RETREG1: variants seen among roughly 807,000 people sequenced by gnomAD.
The protein encoded by RETREG1 is family with sequence similarity 134 member B.
In RETREG1, 44 loss-of-function variants were observed where a neutral mutation model predicts 54.8. The ratio of observed to expected loss-of-function variants is 0.80; its 90% CI spans 0.63 to 1.03. The LOEUF is 1.03. Ranked by LOEUF, RETREG1 falls within the 50% of genes least tolerant of loss-of-function variation. The pLI, the probability that RETREG1 is intolerant of heterozygous loss-of-function variation, is 0.00. For synonymous variants in RETREG1, 217 were observed against 238.5 expected (o/e 0.91, Z 0.83); for missense variants, 554 against 605.1 (o/e 0.92, Z 0.89).
chr5:16,507,059 T>A (rs1739988752), intron 3 of RETREG1, among the ~76,000 whole-genome samples: 1 of 152,128 alleles, frequency 6.6e-6, no homozygotes, highest in Non-Finnish European at 1.5e-5. Context: ...TAGAAAAAAA[T>A]TCTTATGTTT....
Position 16,561,263 on chromosome 5 carries a change from C to T in RETREG1, c.458+4500G>A, listed in dbSNP as rs1741846742. Among the ~76,000 whole-genome samples, 1 of 152,030 alleles carries T rather than the reference C, an allele frequency of 6.6e-6. No homozygotes were observed. The highest frequency in any genetic ancestry group is 6.6e-5 in the Admixed American group (1 of 15,266). On this transcript the variant is annotated intron_variant, in intron 3 of 8. Transcript: ENST00000306320. The surrounding 1 kb of genome is among the most constrained non-coding windows in gnomAD (Gnocchi z 4.2). ...CTGTAATCCCAGCACTTTGGGAGGC[C>T]GAGTCGGGCGGATCATGAGGTCAGG...
chr5:16,596,475 C>T (rs1039146303), intron 1 of RETREG1, among the ~76,000 whole-genome samples: 7 of 152,204 alleles, frequency 4.6e-5, no homozygotes, highest in African/African-American at 9.7e-5. Flanking sequence ...TTAAGCATTA[C>T]GCTCGAAGCC....
intron 1 of RETREG1, among the ~76,000 whole-genome samples, chr5:16,615,178 A>T (rs937497034): frequency 6.6e-6 from 1 of 152,150 alleles, no homozygotes; most frequent in South Asian, 2.1e-4. Flanking sequence ...CGGACGGATC[A>T]CGAGGTCAGG....
At chr5:16,534,183 C>G (rs1740992098) in intron 3 of RETREG1, among the ~76,000 whole-genome samples, 1 of 152,104 alleles carries the variant, frequency 6.6e-6, no homozygotes, top group African/African-American at 2.4e-5. Flanking sequence ...GGCATGGTGG[C>G]TCACACCTGT....
chr5:16,590,579 G>A (rs17650706), intron 1 of RETREG1, among the ~76,000 whole-genome samples: 6,067 of 152,224 alleles, frequency 0.04, 137 homozygotes, highest in Non-Finnish European at 0.053. Flanking sequence ...AGTGAAACTC[G>A]GGGCGTGTGT....
At chr5:16,489,850 T>C (rs1739177615) in intron 3 of RETREG1, among the ~76,000 whole-genome samples, 1 of 152,200 alleles carries the variant, frequency 6.6e-6, no homozygotes, top group Non-Finnish European at 1.5e-5. Flanking sequence ...ATGTTGGGGA[T>C]TGGATATATG....
At chr5:16,576,743 A>C (rs1164564120) in intron 1 of RETREG1, among the ~76,000 whole-genome samples, 2 of 152,082 alleles carry the variant, frequency 1.3e-5, no homozygotes, top group African/African-American at 4.8e-5. Context: ...CGGCCTCCCG[A>C]AGTGCTAGGA....
intron 3 of RETREG1, among the ~76,000 whole-genome samples, chr5:16,543,970 GTTTTTTTTTTT>G (rs750605921): frequency 2.2e-4 from 27 of 121,104 alleles, no homozygotes; most frequent in African/African-American, 8.6e-4. Flanking sequence ...TTATTGCCAA[GTTTTTTTTTTT>G]TTTTTTTTTT....
chr5:16,606,446 C>T (rs1743193878), intron 1 of RETREG1, among the ~76,000 whole-genome samples: 1 of 152,184 alleles, frequency 6.6e-6, no homozygotes, highest in Admixed American at 6.5e-5. Flanking sequence ...ACTTCAAACT[C>T]AACCTGCACT....
intron 3 of RETREG1, among the ~76,000 whole-genome samples, 197 bp downstream of exon 3, chr5:16,565,566 G>T (rs1237075209): frequency 2.0e-5 from 3 of 152,006 alleles, no homozygotes; most frequent in Non-Finnish European, 4.4e-5. Context: ...AAGATACACA[G>T]CACTTCCTAG....
intron 3 of RETREG1, among the ~76,000 whole-genome samples, chr5:16,532,993 G>C (rs116344372): frequency 0.023 from 3,474 of 152,266 alleles, 126 homozygotes; most frequent in African/African-American, 0.079. Flanking sequence ...CTAGGTTTTA[G>C]AGTTGAATGG....
At chr5:16,494,777 G>A (rs973308359) in intron 3 of RETREG1, among the ~76,000 whole-genome samples, 3 of 152,174 alleles carry the variant, frequency 2.0e-5, no homozygotes, top group African/African-American at 7.2e-5. Context: ...TGGTACTGAA[G>A]AGTGGGGGCA....
Position 16,556,430 on chromosome 5 carries a change from A to G in RETREG1, c.458+9333T>C, listed in dbSNP as rs570636592. ...CCGCCTCAGCCTCCCAAAGTGCTGGAATTACAGGCGTGAGCTACCGAGCGA... is the reference window on the plus strand; with the variant it reads ...CCGCCTCAGCCTCCCAAAGTGCTGGGATTACAGGCGTGAGCTACCGAGCGA... On this transcript the variant is annotated intron_variant, in intron 3 of 8. Transcript: ENST00000306320. Among the ~76,000 whole-genome samples the G allele has an allele frequency of 9.9e-5, 15 of 152,086 alleles. No individual in the cohort carries two copies. The East Asian group carries it at 2.9e-3, about 30-fold the overall frequency.
At chr5:16,576,154 A>G (rs1450468833) in intron 1 of RETREG1, among the ~76,000 whole-genome samples, 2 of 152,198 alleles carry the variant, frequency 1.3e-5, no homozygotes, top group Non-Finnish European at 1.5e-5. Context: ...TTCTCCATTC[A>G]TGGGTAATCT....
chr5:16,595,057 TG>T (rs762951795), intron 1 of RETREG1, among the ~76,000 whole-genome samples: 1 of 152,160 alleles, frequency 6.6e-6, no homozygotes, highest in Non-Finnish European at 1.5e-5. Context: ...ATTTTCTCCA[TG>T]TGCAAAGATG....
In RETREG1 at chr5:16,590,876, TACAC is replaced by T. The variant is rs35072010; in HGVS notation, c.321-18778_321-18775del. Among the ~76,000 whole-genome samples the T allele has an allele frequency of 3.8e-4, 56 of 148,788 alleles. No individual in the cohort carries two copies. In the East Asian group the frequency reaches 7.4e-3, roughly 20 times the overall value. On this transcript the variant is annotated intron_variant, in intron 1 of 8. Coordinates refer to ENST00000306320, the MANE Select transcript of RETREG1 (RefSeq NM_001034850.3). ...CACAAAAAACACACACATGCAAACA[TACAC>T]ACACACGCACACACACATGCACAAA...
chr5:16,491,266 G>A (rs962868920), intron 3 of RETREG1, among the ~76,000 whole-genome samples: 4 of 152,186 alleles, frequency 2.6e-5, no homozygotes, highest in Non-Finnish European at 4.4e-5. Flanking sequence ...AGATCTCCTG[G>A]TTACCGACCA....
chr5:16,593,252 C>G lies in RETREG1; in HGVS notation c.321-21150G>C, dbSNP rs1159047307. ...GGAGTGATGTGTTTTCCTTTCAGAGCACGCCTTCTGACTCCCACTTGTATG... is the reference window on the plus strand; with the variant it reads ...GGAGTGATGTGTTTTCCTTTCAGAGGACGCCTTCTGACTCCCACTTGTATG... On this transcript the variant is annotated intron_variant, in intron 1 of 8. Transcript: ENST00000306320. This position sits in a 1 kb window ranked among gnomAD's most constrained non-coding sequence, Gnocchi z 4.9. Among the ~76,000 whole-genome samples, 1 of 152,092 alleles carries G rather than the reference C, an allele frequency of 6.6e-6. No homozygotes were observed. Among genetic ancestry groups the G allele is most frequent in the Non-Finnish European group, 1.5e-5 (1 of 68,012 alleles).
At chr5:16,569,910 T>C (rs1486497423) in intron 2 of RETREG1, among the ~76,000 whole-genome samples, 1 of 152,220 alleles carries the variant, frequency 6.6e-6, no homozygotes, top group Non-Finnish European at 1.5e-5. Context: ...CAGATTGCAG[T>C]GATGCGGCTG....
Sources: gnomAD v4.1 joint callset for allele counts (sites outside exome capture counted in the v4.1 genomes callset) on GRCh38, gnomAD v4.1.1 for gene constraint, Gnocchi (gnomAD v3.1) non-coding constraint, MANE v1.5 for transcripts, NCBI Gene and HGNC (gene_info 2026-07-23, HGNC 2026-07-21) for gene names.